The following CHODL variants were observed in gnomAD, a reference collection of about 807,000 sequenced individuals.
The protein encoded by CHODL is transmembrane protein MT75.
CHODL carries 29 observed loss-of-function variants against 34.5 expected under a neutral mutation model. That is an observed-to-expected ratio of 0.84 (90% CI 0.63 to 1.15). CHODL has a LOEUF of 1.15. CHODL is among the 50% of genes most tolerant of loss of function. CHODL has a pLI of 0.00. For missense variants in CHODL, 332 were observed against 332.5 expected (o/e 1.00, Z 0.01); for synonymous variants, 125 against 116.1 (o/e 1.08, Z -0.49).
intron 2 of CHODL, among the ~76,000 whole-genome samples, chr21:18,116,105 G>A (rs760305773): frequency 7.2e-5 from 11 of 151,968 alleles, no homozygotes; most frequent in Non-Finnish European, 1.3e-4. Context: ...AGGGGTACAT[G>A]CAAAGTCCTC....
chr21:17,966,892 T>G (rs972520645), intron 1 of CHODL, among the ~76,000 whole-genome samples: 20 of 77,554 alleles, frequency 2.6e-4, no homozygotes, highest in African/African-American at 7.7e-4. Flanking sequence ...TTTCCTGAGC[T>G]TTTTTTTTTT....
intron 1 of CHODL, among the ~76,000 whole-genome samples, chr21:17,937,797 A>T (rs1057028199): frequency 6.6e-6 from 1 of 152,112 alleles, no homozygotes; most frequent in Non-Finnish European, 1.5e-5. Flanking sequence ...TATAGTTTTT[A>T]ATAAAATTTT....
chr21:18,065,356 A>T (rs1479354980), intron 2 of CHODL, among the ~76,000 whole-genome samples: 5 of 152,208 alleles, frequency 3.3e-5, no homozygotes, highest in African/African-American at 1.2e-4. Context: ...CATGCACCAA[A>T]AAATATTGTA....
At chr21:18,018,635 A>C (rs2064098271) in intron 1 of CHODL, among the ~76,000 whole-genome samples, 1 of 152,158 alleles carries the variant, frequency 6.6e-6, no homozygotes, top group Non-Finnish European at 1.5e-5. Context: ...CAGAACTGTG[A>C]GCCAATTAAA....
chr21:18,114,982 C>G (rs1401301867), intron 2 of CHODL: 2 of 152,248 alleles, frequency 1.3e-5, no homozygotes, highest in South Asian at 2.1e-4. Flanking sequence ...CCAGACTTAA[C>G]CCAGCCTAAA....
chr21:18,032,739 T>G (rs1468743385), intron 2 of CHODL, among the ~76,000 whole-genome samples: 1 of 152,052 alleles, frequency 6.6e-6, no homozygotes. Context: ...ACCAGAACTT[T>G]TAAAAGCTAG....
At chr21:18,216,516 G>A (rs2073830003) in intron 2 of CHODL, among the ~76,000 whole-genome samples, 1 of 152,078 alleles carries the variant, frequency 6.6e-6, no homozygotes. Flanking sequence ...TTCCAAATGT[G>A]AGTGAGAACA....
At chr21:17,994,664 G>C (rs1256683895) in intron 1 of CHODL, among the ~76,000 whole-genome samples, 3 of 152,184 alleles carry the variant, frequency 2.0e-5, no homozygotes, top group African/African-American at 4.8e-5. Context: ...TAGGCTTCTG[G>C]ATGATGTGCG....
intron 1 of CHODL, among the ~76,000 whole-genome samples, chr21:18,006,083 C>G (rs1407620044): frequency 6.6e-6 from 1 of 152,202 alleles, no homozygotes; most frequent in African/African-American, 2.4e-5. Context: ...GTCATTCTCT[C>G]TGCCTGCCGC....
At chr21:18,147,203 T>A (rs2072901636) in intron 2 of CHODL, among the ~76,000 whole-genome samples, 1 of 152,194 alleles carries the variant, frequency 6.6e-6, no homozygotes, top group Non-Finnish European at 1.5e-5. Context: ...AGAGTACACT[T>A]GGTTAGTAAT....
chr21:18,244,770 T>C (rs1360925943), upstream of CHODL: 1 of 156,662 alleles, frequency 6.4e-6, no homozygotes, highest in Admixed American at 6.5e-5. Context: ...AAATTATTAC[T>C]AGGGAGGGGG....
chr21:18,192,489 A>G (rs534975022), intron 2 of CHODL, among the ~76,000 whole-genome samples: 3 of 152,226 alleles, frequency 2.0e-5, no homozygotes, highest in Non-Finnish European at 2.9e-5. Flanking sequence ...ATGAAAGGCA[A>G]AAGTCCTATC....
At chr21:18,122,803 C>T (rs777897884) in intron 2 of CHODL, among the ~76,000 whole-genome samples, 15 of 152,154 alleles carry the variant, frequency 9.9e-5, no homozygotes, top group Admixed American at 6.5e-5. Context: ...TTCCATTAGA[C>T]GCTTATTTAT....
chr21:18,253,315 GT>G (rs141515066), intron 1 of CHODL, among the ~76,000 whole-genome samples: 1 of 150,122 alleles, frequency 6.7e-6, no homozygotes, highest in African/African-American at 2.5e-5. Flanking sequence ...ATTCTGTTTT[GT>G]TTTTTTTTAA....
At chr21:18,009,485 A>C (rs912862735) in intron 1 of CHODL, among the ~76,000 whole-genome samples, 1 of 152,124 alleles carries the variant, frequency 6.6e-6, no homozygotes, top group Non-Finnish European at 1.5e-5. Context: ...ATAATGTTAT[A>C]TATAATTTAA....
At chr21:18,068,279 C>T (rs756286207) in intron 2 of CHODL, among the ~76,000 whole-genome samples, 2 of 151,820 alleles carry the variant, frequency 1.3e-5, no homozygotes, top group Non-Finnish European at 2.9e-5. Flanking sequence ...TCACTGCAAC[C>T]TCCACCTCCC....
At chr21:18,145,305 C>T (rs1413558745) in intron 2 of CHODL, among the ~76,000 whole-genome samples, 13 of 148,538 alleles carry the variant, frequency 8.8e-5, no homozygotes, top group Admixed American at 4.0e-4. Context: ...GGCGCGGTGG[C>T]GGGCGCCTGT....
At chr21:18,231,629 T>A (rs2073979759) in intron 2 of CHODL, among the ~76,000 whole-genome samples, 1 of 152,092 alleles carries the variant, frequency 6.6e-6, no homozygotes, top group Non-Finnish European at 1.5e-5. Flanking sequence ...CTTGCACCCT[T>A]TTTTCATCCA....
intron 3 of CHODL, among the ~76,000 whole-genome samples, chr21:18,257,507 G>A (rs2074332028): frequency 6.6e-6 from 1 of 152,156 alleles, no homozygotes; most frequent in Non-Finnish European, 1.5e-5. Flanking sequence ...TTACACATGT[G>A]AGCAGCACTT....
Sources: gnomAD v4.1 joint callset for allele counts (sites outside exome capture counted in the v4.1 genomes callset) on GRCh38, gnomAD v4.1.1 for gene constraint, MANE v1.5 for transcripts, NCBI Gene and HGNC (gene_info 2026-07-23, HGNC 2026-07-21) for gene names.